Variants in DHX30 observed in about 807,000 individuals in gnomAD.
The protein encoded by DHX30 is DExH-box helicase 30, also known as ATP-dependent RNA helicase DHX30.
A neutral mutation model predicts 116.9 loss-of-function variants in DHX30; 4 were observed. The ratio of observed to expected loss-of-function variants is 0.03; its 90% confidence interval spans 0.02 to 0.08. DHX30 has a LOEUF of 0.08. DHX30 is among the 10% of genes least tolerant of loss of function. The pLI is 1.00. For synonymous variants in DHX30, 697 were observed against 651.7 expected (o/e 1.07, Z -1.06); for missense variants, 871 against 1,595.1 (o/e 0.55, Z 7.73).
In DHX30 at chr3:47,838,643, C is replaced by T. The variant is rs1194061266; in HGVS notation, c.367-2234C>T. On this transcript the variant is annotated intron_variant, in intron 6 of 21. Transcript: ENST00000445061. ...GCTCACTGTAGAGAGGTTCCTGGCC[C>T]GTGGCCCGTGCTGTCTGCTGTCACA... Among the ~76,000 whole-genome samples, 8 of 152,332 alleles carry T rather than the reference C, an allele frequency of 5.3e-5. No individual in the cohort carries two copies. In the South Asian group the frequency reaches 1.0e-3, roughly 20 times the overall value.
In DHX30 at chr3:47,827,467, C is replaced by T. The variant is rs769576678; in HGVS notation, c.245C>T (p.Pro82Leu). ...DKLVYVHTNGPKKKKVTLHIK... is the reference protein window; with the variant it reads ...DKLVYVHTNGLKKKKVTLHIK... ...CTAGTCTACGTGCACACAAATGGAC[C>T]GAAGAAAAAGGTAACTCTGCTGGTG... Residue 82 changes from proline to leucine, a missense_variant, in exon 5 of 22, where the codon CCG becomes CTG. Physicochemically the swap from Pro to Leu is moderately conservative, Grantham distance 98. Coordinates refer to ENST00000445061, the MANE Select transcript of DHX30 (RefSeq NM_138615.3). 5 of 1,610,068 alleles carry T rather than the reference C, an allele frequency of 3.1e-6. No homozygotes were observed. The South Asian group carries it at 4.4e-5, about 14-fold the overall frequency.
chr3:47,821,509 T>C (rs749711187), intron 4 of DHX30, among the ~76,000 whole-genome samples: 1 of 152,130 alleles, frequency 6.6e-6, no homozygotes, highest in African/African-American at 2.4e-5. Context: ...CCTCAGGCAA[T>C]CTGCCCGCTT....
intron 4 of DHX30, chr3:47,819,118 C>T: frequency 1.2e-6 from 1 of 865,204 alleles, no homozygotes; most frequent in Non-Finnish European, 1.7e-6. Flanking sequence ...ATGAGTACTT[C>T]TAGCCCCCTG....
chr3:47,849,155 A>G, intron 18 of DHX30, 37 bp from the exon 19 acceptor site: 1 of 1,613,320 alleles, frequency 6.2e-7, no homozygotes. Flanking sequence ...GCCTGTGGCT[A>G]GGGGCTGTAG....
intron 9 of DHX30, among the ~76,000 whole-genome samples, chr3:47,845,074 A>G (rs972043067): frequency 1.3e-5 from 2 of 152,030 alleles, no homozygotes; most frequent in African/African-American, 2.4e-5. Flanking sequence ...ACAGTGGCCT[A>G]TTGTGGTGTT....
intron 2 of DHX30, 23 bp from the exon 3 acceptor site, chr3:47,810,634 C>G (rs1171880306): frequency 6.2e-7 from 1 of 1,601,626 alleles, no homozygotes; most frequent in African/African-American, 1.3e-5. Flanking sequence ...TAACCATTGC[C>G]TCTTGGCCCT....
At chr3:47,818,779 A>G (rs2036167113) in intron 4 of DHX30, among the ~76,000 whole-genome samples, 1 of 152,078 alleles carries the variant, frequency 6.6e-6, no homozygotes, top group African/African-American at 2.4e-5. Flanking sequence ...CCTCAGACTT[A>G]TTAATATACC....
At chr3:47,835,456 C>G (rs1207524801) in intron 6 of DHX30, among the ~76,000 whole-genome samples, 1 of 151,412 alleles carries the variant, frequency 6.6e-6, no homozygotes, top group Non-Finnish European at 1.5e-5. Flanking sequence ...GTGTGAGCCA[C>G]TGTGCCCGGC....
chr3:47,839,270 C>G (rs942751703), intron 6 of DHX30, among the ~76,000 whole-genome samples: 36 of 145,132 alleles, frequency 2.5e-4, no homozygotes, highest in African/African-American at 8.9e-4. Flanking sequence ...ACATAGGATT[C>G]TTATATTCTC....
chr3:47,811,481 G>T (rs1309387585), intron 3 of DHX30, among the ~76,000 whole-genome samples: 1 of 152,060 alleles, frequency 6.6e-6, no homozygotes, highest in African/African-American at 2.4e-5. Context: ...CCAGCATTTC[G>T]CACATAGTAG....
At chr3:47,839,712 A>G (rs928604797) in intron 6 of DHX30, among the ~76,000 whole-genome samples, 2 of 146,466 alleles carry the variant, frequency 1.4e-5, no homozygotes, top group Non-Finnish European at 3.0e-5. Flanking sequence ...TGGAGTCTCT[A>G]TTGCCCAGGC....
At chr3:47,824,074 C>G (rs1281415519) in intron 4 of DHX30, among the ~76,000 whole-genome samples, 1 of 140,698 alleles carries the variant, frequency 7.1e-6, no homozygotes, top group Non-Finnish European at 1.5e-5. Flanking sequence ...ATGATCTTGG[C>G]TTACTGCAAC....
chr3:47,847,274 C>A lies in DHX30; in HGVS notation c.1931C>A (p.Ser644Tyr). Residue 644 changes from serine to tyrosine, a missense_variant and splice_region_variant, in exon 12 of 22, where the codon TCT (serine) becomes TAT (tyrosine). Coordinates refer to ENST00000445061, the MANE Select transcript of DHX30 (RefSeq NM_138615.3). The surrounding 1 kb of genome is among the most constrained non-coding windows in gnomAD (Gnocchi z 5.5). The part of the protein sequence containing the change: ...QYLHRHRHHE[S>Y]EDECALDLDL... ...GTGGCCTCTCTTCCCCCACCCCAGT[C>A]TGAGGATGAATGCGCACTCGATTTG... is the stretch of plus-strand genomic sequence containing the variant. 6.2e-7 allele frequency: 1 copy of A among 1,614,256 alleles called. No homozygotes were observed. The highest frequency in any genetic ancestry group is 8.5e-7 in the Non-Finnish European group (1 of 1,180,048).
rs1413395561 is a variant in DHX30, at chr3:47,848,734, C to G, written c.2686C>G (p.Leu896Val). The change falls in exon 17 of 22, where the codon CTG (leucine) becomes GTG (valine). Residue 896 changes from leucine to valine, a missense_variant. By Grantham distance (32) the Leu-to-Val change is conservative. Coordinates refer to ENST00000445061, the MANE Select transcript of DHX30 (RefSeq NM_138615.3). This position sits in a 1 kb window ranked among gnomAD's most constrained non-coding sequence, Gnocchi z 9.4. The part of the protein sequence containing the change: ...AIVLAAIFRC[L>V]HPLLVVVSCL... ...TGTGTTGGCTGCCATCTTCCGTTGC[C>G]TGCACCCACTACTGGTGGTCGTTTC... The G allele has an allele frequency of 1.2e-6, 2 of 1,614,202 alleles. No homozygotes were observed. Among genetic ancestry groups the G allele is most frequent in the East Asian group, 4.5e-5 (2 of 44,878 alleles).
chr3:47,814,944 A>G (rs568996086), intron 3 of DHX30, among the ~76,000 whole-genome samples: 138 of 151,022 alleles, frequency 9.1e-4, no homozygotes, highest in African/African-American at 3.2e-3. Context: ...GGCTGTTCTC[A>G]AACTCCTGGC....
Position 47,840,847 on chromosome 3 carries a change from A to G in DHX30, c.367-30A>G, listed in dbSNP as rs776746000. On this transcript the variant is annotated intron_variant, in intron 6 of 21. Transcript: ENST00000445061. ...CCGACTGAGGTGTAAAGATGGTATC[A>G]ATCCTTAAAACGTCCCTTTTCCCCT... is the stretch of plus-strand genomic sequence containing the variant. The G allele has an allele frequency of 3.7e-6, 6 of 1,613,656 alleles. No individual in the cohort carries two copies. The South Asian group carries it at 6.6e-5, about 18-fold the overall frequency.
At chr3:47,817,602 C>T (rs1318993437) in intron 3 of DHX30, among the ~76,000 whole-genome samples, 4 of 152,114 alleles carry the variant, frequency 2.6e-5, no homozygotes, top group African/African-American at 9.7e-5. Context: ...CTGAGGTAGC[C>T]ATCTGGGGAA....
At chr3:47,822,578 A>G (rs2036345727) in intron 4 of DHX30, among the ~76,000 whole-genome samples, 1 of 152,020 alleles carries the variant, frequency 6.6e-6, no homozygotes, top group African/African-American at 2.4e-5. Flanking sequence ...TGAGGTCAGG[A>G]GTTCAAGACC....
chr3:47,828,653 C>T (rs1388090975), intron 5 of DHX30, among the ~76,000 whole-genome samples: 2 of 151,422 alleles, frequency 1.3e-5, no homozygotes, highest in Non-Finnish European at 2.9e-5. Flanking sequence ...CACCTGTAGC[C>T]CCAGCTACTT....
Sources: allele counts gnomAD v4.1 joint callset (sites outside exome capture counted in the v4.1 genomes callset), GRCh38; gene constraint gnomAD v4.1.1; non-coding constraint Gnocchi (gnomAD v3.1); transcripts MANE v1.5; gene names NCBI Gene and HGNC (gene_info 2026-07-23, HGNC 2026-07-21).